ISM2: variants seen among roughly 807,000 people sequenced by gnomAD.
ISM2 encodes isthmin 2.
Under a neutral mutation model 58.0 loss-of-function variants are expected in ISM2, and 50 were observed. That is an observed-to-expected ratio of 0.86 (90% CI 0.69 to 1.09). The LOEUF is 1.09. ISM2 is among the 50% of genes least tolerant of loss of function. The probability of loss-of-function intolerance (pLI) is 0.00; values close to 1 mark genes in which losing one functional copy is unlikely to be tolerated. For missense variants in ISM2, 723 were observed against 745.0 expected (o/e 0.97, Z 0.34); for synonymous variants, 303 against 312.4 (o/e 0.97, Z 0.32).
At chr14:77,495,335 C>CAGGCTTTGT (rs1295573787) in intron 1 of ISM2, among the ~76,000 whole-genome samples, 1 of 152,162 alleles carries the variant, frequency 6.6e-6, no homozygotes, top group African/African-American at 2.4e-5. Flanking sequence ...ATGACTCTGC[C>CAGGCTTTGT]AGGCTTTGTA....
chr14:77,496,799 G>GAAAAAAAAAAAA (rs772342344), intron 1 of ISM2, among the ~76,000 whole-genome samples: 1 of 25,802 alleles, frequency 3.9e-5, no homozygotes, highest in African/African-American at 1.8e-4. Context: ...TCCATCTCAG[G>GAAAAAAAAAAAA]AAAAAAAAAA....
intron 1 of ISM2, among the ~76,000 whole-genome samples, chr14:77,490,605 T>C (rs1323735368): frequency 6.6e-6 from 1 of 152,242 alleles, no homozygotes; most frequent in East Asian, 1.9e-4. Flanking sequence ...TTAAGCCTTG[T>C]GCTTTGCTAA....
chr14:77,497,367 CAAAAAAAA>C (rs35676781), intron 1 of ISM2, among the ~76,000 whole-genome samples: 24 of 64,764 alleles, frequency 3.7e-4, no homozygotes, highest in Non-Finnish European at 5.2e-4. Flanking sequence ...GGCTCTGTCT[CAAAAAAAA>C]AAAAAAAAAA....
intron 1 of ISM2, among the ~76,000 whole-genome samples, chr14:77,489,567 T>C (rs1269336730): frequency 6.6e-6 from 1 of 151,928 alleles, no homozygotes; most frequent in Non-Finnish European, 1.5e-5. Flanking sequence ...TTTTTAAGAC[T>C]GGGTCTTGCT....
chr14:77,487,977 G>C (rs556741217), intron 1 of ISM2, among the ~76,000 whole-genome samples: 1 of 152,288 alleles, frequency 6.6e-6, no homozygotes, highest in East Asian at 1.9e-4. Flanking sequence ...CTTCAAGTGA[G>C]CCACGTACAT....
chr14:77,498,458 A>G (rs2079262024), intron 1 of ISM2, 195 bp downstream of exon 1: 1 of 1,162,624 alleles, frequency 8.6e-7, no homozygotes. Flanking sequence ...ACGCGCGAGG[A>G]GTGGAAGCCC....
rs149710330 is a variant in ISM2 at position 77,475,862 on chromosome 14, C to A, written c.1449G>T (p.Glu483Asp). ...AGTGCTGGGCGGCCAGTGTGCTGCT[C>A]TCCCCAGACAGCATGGAACGCAGGC... ...RFCLRSMLSG[E>D]SSTLAAQHCC... The change falls in exon 7 of 7, where the codon GAG becomes GAT. Residue 483 changes from glutamate (E) to aspartate (D), a missense_variant. By Grantham distance (45) the Glu-to-Asp change is conservative (BLOSUM62 2). Coordinates refer to ENST00000342219, the MANE Select transcript of ISM2 (RefSeq NM_199296.3). The surrounding 1 kb of genome is among the most constrained non-coding windows in gnomAD (Gnocchi z 4.1). 3 of 1,608,922 alleles carry A rather than the reference C, an allele frequency of 1.9e-6. No homozygotes were observed. The highest frequency in any genetic ancestry group is 2.7e-5 in the African/African-American group (2 of 74,952).
intron 1 of ISM2, among the ~76,000 whole-genome samples, chr14:77,492,768 G>A (rs550470368): frequency 2.6e-5 from 4 of 152,206 alleles, no homozygotes; most frequent in African/African-American, 9.6e-5. Flanking sequence ...AGAACTTTGG[G>A]AGGCTGAAGC....
chr14:77,498,582 C>A, intron 1 of ISM2, 71 bp downstream of exon 1: 1 of 1,390,194 alleles, frequency 7.2e-7, no homozygotes, highest in Non-Finnish European at 9.3e-7. Context: ...GCTCCCCGCA[C>A]GGCTGGAGCC....
At chr14:77,492,015 A>G (rs1466301786) in intron 1 of ISM2, among the ~76,000 whole-genome samples, 1 of 149,956 alleles carries the variant, frequency 6.7e-6, no homozygotes, top group Non-Finnish European at 1.5e-5. Flanking sequence ...TTTTTTTTTA[A>G]ATAAAGACAG....
At chr14:77,480,793 A>G (rs1375764659) in intron 4 of ISM2, among the ~76,000 whole-genome samples, 2 of 151,780 alleles carry the variant, frequency 1.3e-5, no homozygotes, top group African/African-American at 4.8e-5. Flanking sequence ...CCTGAGCTCA[A>G]GCAGTCCACC....
At chr14:77,476,769 G>C (rs538247306) in intron 6 of ISM2, among the ~76,000 whole-genome samples, 134 of 152,312 alleles carry the variant, frequency 8.8e-4, no homozygotes, top group African/African-American at 3.1e-3. Context: ...GAGCTGGGGG[G>C]CCAGGCGCGA....
chr14:77,498,605 A>T (rs1208984257), intron 1 of ISM2, 48 bp downstream of exon 1: 8 of 1,402,108 alleles, frequency 5.7e-6, no homozygotes, highest in Non-Finnish European at 7.4e-6. Context: ...CGGGCTGGGG[A>T]GGTGGGACCG....
At chr14:77,481,201 G>A (rs984487140) in intron 4 of ISM2, among the ~76,000 whole-genome samples, 1 of 151,920 alleles carries the variant, frequency 6.6e-6, no homozygotes, top group Non-Finnish European at 1.5e-5. Flanking sequence ...TTAGCCAGGC[G>A]TGGTGGTCCA....
chr14:77,498,437 G>T, intron 1 of ISM2: 2 of 1,218,906 alleles, frequency 1.6e-6, no homozygotes, highest in Non-Finnish European at 2.3e-6. Context: ...GCGGCAGCCC[G>T]GCTCGCGGTC....
chr14:77,489,561 T>TC (rs397776283), intron 1 of ISM2, among the ~76,000 whole-genome samples: 1 of 151,990 alleles, frequency 6.6e-6, no homozygotes, highest in Non-Finnish European at 1.5e-5. Flanking sequence ...TCTTTTTTTT[T>TC]AAGACTGGGT....
At chr14:77,485,602 T>A (rs758150855) in intron 1 of ISM2, among the ~76,000 whole-genome samples, 2 of 152,276 alleles carry the variant, frequency 1.3e-5, no homozygotes, top group African/African-American at 4.8e-5. Flanking sequence ...ATGTCATCTC[T>A]GACTCCTGTT....
chr14:77,490,390 G>GAAAAGTAAACCAAAAA (rs57826757), intron 1 of ISM2, among the ~76,000 whole-genome samples: 145,990 of 152,240 alleles, frequency 0.96, 70,293 homozygotes, highest in East Asian at 1. Context: ...GAAAGAAAAA[G>GAAAAGTAAACCAAAAA]AACGGAGCCA....
At position 77,475,555 on chromosome 14, in the gene ISM2, C is replaced by T. The variant is rs1449022155; in HGVS notation, c.*40G>A. The T allele has an allele frequency of 6.6e-7, 1 of 1,511,452 alleles. No homozygotes were observed. The highest frequency in any genetic ancestry group is 2.3e-5 in the East Asian group (1 of 42,992). 93.6% of individuals were successfully genotyped at this position (1,511,452 alleles called of 1,614,324 possible). On this transcript the variant is annotated 3_prime_UTR_variant, in exon 7 of 7. Coordinates refer to ENST00000342219, the MANE Select transcript of ISM2 (RefSeq NM_199296.3). This position sits in a 1 kb window ranked among gnomAD's most constrained non-coding sequence, Gnocchi z 4.1. Reference sequence around the variant, plus strand: ...TTCTCCCGTGCAACAGCAGCAGCCGCCTGCCCTCTCCCTGCAGTGTCTGTT... The same window carrying T: ...TTCTCCCGTGCAACAGCAGCAGCCGTCTGCCCTCTCCCTGCAGTGTCTGTT...
Sources: allele counts gnomAD v4.1 joint callset (sites outside exome capture counted in the v4.1 genomes callset), GRCh38; gene constraint gnomAD v4.1.1; non-coding constraint Gnocchi (gnomAD v3.1); transcripts MANE v1.5; gene names NCBI Gene and HGNC (gene_info 2026-07-23, HGNC 2026-07-21).